Variants in ASIC2 observed in about 807,000 individuals in gnomAD.
ASIC2 encodes the protein acid sensing ion channel subunit 2.
Under a neutral mutation model 57.3 loss-of-function variants are expected in ASIC2, and 25 were observed. That is an observed-to-expected ratio of 0.44 (90% CI 0.32 to 0.61). The LOEUF (loss-of-function observed/expected upper bound fraction) is 0.61. Ranked by LOEUF, ASIC2 falls within the 20% of genes least tolerant of loss-of-function variation. The pLI is 0.06. For synonymous variants in ASIC2, 319 were observed against 307.5 expected, an observed-to-expected ratio of 1.04 and a Z score of -0.39; for missense variants, 641 against 738.1, an observed-to-expected ratio of 0.87 and a Z score of 1.52.
At chr17:34,016,531 A>C (rs1399971809) in intron 1 of ASIC2, among the ~76,000 whole-genome samples, 1 of 151,668 alleles carries the variant, frequency 6.6e-6, no homozygotes, top group Non-Finnish European at 1.5e-5. Flanking sequence ...AATGTGTTTG[A>C]GGTAAACAAA....
intron 1 of ASIC2, among the ~76,000 whole-genome samples, chr17:33,405,345 T>C (rs1323321310): frequency 6.6e-6 from 1 of 152,134 alleles, no homozygotes; most frequent in Non-Finnish European, 1.5e-5. Context: ...CAAAGTAGTG[T>C]ATTAACTATT....
At chr17:33,865,759 T>TAAAAAAAAAA (rs61218521) in intron 1 of ASIC2, among the ~76,000 whole-genome samples, 18 of 122,110 alleles carry the variant, frequency 1.5e-4, no homozygotes, top group East Asian at 7.2e-4. Flanking sequence ...AAAAAAAAAA[T>TAAAAAAAAAA]AAAAAAAAAA....
rs369434265 is a variant in ASIC2 at position 33,312,099 on chromosome 17, C to G, written c.556-200032G>C. On this transcript the variant is annotated intron_variant, in intron 1 of 9. Transcript: ENST00000359872. ...TATTGCATATGTGACCTTGGGTGAG[C>G]CATGCAATCTCTCCTGCTTTGTCTC... 1.2e-4 allele frequency among the ~76,000 whole-genome samples: 18 copies of G among 152,300 alleles called. No homozygotes were observed. The South Asian group carries it at 3.7e-3, about 32-fold the overall frequency.
chr17:33,761,263 T>A (rs539536009), intron 1 of ASIC2, among the ~76,000 whole-genome samples: 3 of 152,272 alleles, frequency 2.0e-5, no homozygotes, highest in Non-Finnish European at 2.9e-5. Flanking sequence ...ATTGAGTAAT[T>A]TTTTTGTGTT....
At chr17:33,673,680 C>T (rs1020739001) in intron 1 of ASIC2, among the ~76,000 whole-genome samples, 1 of 152,098 alleles carries the variant, frequency 6.6e-6, no homozygotes. Context: ...GCACCCACAG[C>T]GATAGCAAAA....
intron 1 of ASIC2, among the ~76,000 whole-genome samples, chr17:33,991,617 G>A (rs1906002539): frequency 6.6e-6 from 1 of 152,186 alleles, no homozygotes; most frequent in Admixed American, 6.5e-5. Flanking sequence ...CCAGCAGGAA[G>A]AATTCCCCAA....
intron 1 of ASIC2, among the ~76,000 whole-genome samples, chr17:33,594,949 A>AGT (rs60543329): frequency 0.028 from 4,257 of 152,194 alleles, 141 homozygotes; most frequent in African/African-American, 0.082. Flanking sequence ...GGCGAGGTGC[A>AGT]GTGGCTCATG....
chr17:33,399,533 T>C lies in ASIC2; in HGVS notation c.556-287466A>G, dbSNP rs530098833. Among the ~76,000 whole-genome samples the C allele has an allele frequency of 4.6e-5, 7 of 152,290 alleles. No homozygotes were observed. In the East Asian group the frequency reaches 1.4e-3, roughly 29 times the overall value. ...GGGAACAACAACAAAAAATCTCCGA[T>C]GAACCATCTAAATCCCAGTATGGCC... is the stretch of plus-strand genomic sequence containing the variant. On this transcript the variant is annotated intron_variant, in intron 1 of 9. Transcript: ENST00000359872.
chr17:33,115,904 C>T (rs561118042), intron 1 of ASIC2, among the ~76,000 whole-genome samples: 2 of 152,168 alleles, frequency 1.3e-5, no homozygotes, highest in Non-Finnish European at 2.9e-5. Context: ...TCCTTGTGCA[C>T]CTCCAGGAAA....
rs571483722 is a variant in ASIC2 at position 34,037,380 on chromosome 17, C to T, written c.555+118598G>A. The T allele has an allele frequency of 1.0e-3, 469 of 452,178 alleles. 2 individuals carry two copies. Among genetic ancestry groups the T allele is most frequent in the South Asian group, 6.8e-3 (194 of 28,648 alleles). 28.0% of individuals were successfully genotyped at this position (452,178 alleles called of 1,614,324 possible). A position where few individuals can be genotyped will look rare whatever the true frequency, so the allele number is the denominator to read the frequency against. On this transcript the variant is annotated intron_variant, in intron 1 of 9. Transcript: ENST00000359872. Reference sequence around the variant, plus strand: ...ACTCAGAGCAGCCACACACAGTGGCCGTTGACGCTGGAACCTCGGGCGGGG... The same window carrying T: ...ACTCAGAGCAGCCACACACAGTGGCTGTTGACGCTGGAACCTCGGGCGGGG...
chr17:33,798,182 C>G (rs1911976349), intron 1 of ASIC2, among the ~76,000 whole-genome samples: 1 of 151,836 alleles, frequency 6.6e-6, no homozygotes, highest in African/African-American at 2.4e-5. Flanking sequence ...GGTATTGGAA[C>G]AAAAATTGAA....
At chr17:33,014,191 C>G (rs1323298111) in intron 9 of ASIC2, 125 bp from the exon 10 acceptor site, 1 of 736,620 alleles carries the variant, frequency 1.4e-6, no homozygotes, top group Non-Finnish European at 2.4e-6. Flanking sequence ...CTGCTCCAGA[C>G]ATCTGATAGG....
chr17:34,156,490 AAGGTTGC>A lies in ASIC2; in HGVS notation c.36_42del (p.Gln13LeufsTer24). 1 of 1,612,214 alleles carries A rather than the reference AAGGTTGC, an allele frequency of 6.2e-7. No individual in the cohort carries two copies. The highest frequency in any genetic ancestry group is 8.5e-7 in the Non-Finnish European group (1 of 1,178,734). ...GTGTTGGCAAAGATCTGGATGCTAG[AAGGTTGC>A]AGGCTGCCCTCACTGGGGCTTTCCT... On this transcript the variant is annotated frameshift_variant, in exon 1 of 10. Coordinates refer to the ASIC2 transcript ENST00000359872. LOFTEE classifies it high-confidence loss of function. The surrounding 1 kb of genome is among the most constrained non-coding windows in gnomAD (Gnocchi z 4.4).
intron 1 of ASIC2, among the ~76,000 whole-genome samples, chr17:33,733,703 T>C (rs937532672): frequency 6.6e-6 from 1 of 152,166 alleles, no homozygotes; most frequent in Non-Finnish European, 1.5e-5. Flanking sequence ...AATATCCTTT[T>C]CCTCTCCCAG....
intron 1 of ASIC2, among the ~76,000 whole-genome samples, chr17:33,216,147 G>A (rs185662576): frequency 6.6e-4 from 100 of 152,226 alleles, no homozygotes; most frequent in African/African-American, 2.3e-3. Context: ...ATAATTTCAG[G>A]AGACAAGTGA....
chr17:33,464,915 C>CT (rs930971711), intron 1 of ASIC2, among the ~76,000 whole-genome samples: 3 of 151,718 alleles, frequency 2.0e-5, no homozygotes, highest in Non-Finnish European at 4.4e-5. Context: ...CAACAAGGCA[C>CT]TTTTTTTTCT....
intron 1 of ASIC2, among the ~76,000 whole-genome samples, chr17:33,851,538 G>A (rs934595071): frequency 5.3e-5 from 8 of 152,198 alleles, no homozygotes; most frequent in Non-Finnish European, 1.2e-4. Context: ...AAAGGGGAAA[G>A]GTCTTTCTCA....
At chr17:33,807,323 T>C (rs928634588) in intron 1 of ASIC2, among the ~76,000 whole-genome samples, 3 of 152,208 alleles carry the variant, frequency 2.0e-5, no homozygotes, top group African/African-American at 7.2e-5. Context: ...TTCTGGTCAC[T>C]GAATCTCTCA....
intron 3 of ASIC2, among the ~76,000 whole-genome samples, chr17:33,065,255 T>C (rs2346394): frequency 0.91 from 137,644 of 152,060 alleles, 62,316 homozygotes; most frequent in East Asian, 0.96. Flanking sequence ...TAGCTAACTG[T>C]GGCCTCGAAC....
Sources: allele counts gnomAD v4.1 joint callset (sites outside exome capture counted in the v4.1 genomes callset), GRCh38; gene constraint gnomAD v4.1.1; non-coding constraint Gnocchi (gnomAD v3.1); transcripts MANE v1.5; gene names NCBI Gene and HGNC (gene_info 2026-07-23, HGNC 2026-07-21).